Variants in STAB1 observed in about 807,000 individuals in gnomAD.
STAB1 encodes the protein stabilin-1.
In STAB1, 250 loss-of-function variants were observed where a neutral mutation model predicts 332.4. That is an observed-to-expected ratio of 0.75 (90% CI 0.68 to 0.84). STAB1 has a LOEUF of 0.84. STAB1 is among the 40% of genes least tolerant of loss of function. The probability of loss-of-function intolerance (pLI) is 0.00; values close to 1 mark genes in which losing one functional copy is unlikely to be tolerated. For synonymous variants in STAB1, 1,475 were observed against 1,390.4 expected (o/e 1.06, Z -1.35); for missense variants, 3,249 against 3,489.7 (o/e 0.93, Z 1.74).
At chr3:52,496,975 A>G (rs1708075471) in intron 1 of STAB1, among the ~76,000 whole-genome samples, 1 of 152,202 alleles carries the variant, frequency 6.6e-6, no homozygotes, top group Non-Finnish European at 1.5e-5. Context: ...TATTCAGGAA[A>G]TAAAATGGCA....
intron 12 of STAB1, 29 bp downstream of exon 12, chr3:52,504,905 A>T (rs1343982246): frequency 6.2e-6 from 10 of 1,613,482 alleles, no homozygotes; most frequent in Non-Finnish European, 7.6e-6. Flanking sequence ...CCTGGGGACA[A>T]GAGGAGTCAC....
At chr3:52,519,765 A>G in intron 50 of STAB1, 179 bp from the exon 51 acceptor site, 1 of 1,126,110 alleles carries the variant, frequency 8.9e-7, no homozygotes, top group Middle Eastern at 2.9e-4. Context: ...ATGTGTGCCC[A>G]CATTCCTGAC....
At position 52,523,497 on chromosome 3, in the gene STAB1, G is replaced by A; in HGVS notation, c.7211G>A (p.Gly2404Glu). Residue 2404 changes from glycine to glutamate, a missense_variant, in exon 65 of 69, where the codon GGG becomes GAG. Coordinates refer to ENST00000321725, the MANE Select transcript of STAB1 (RefSeq NM_015136.3). ...ATLLSANASQ[G>E]KLLPAHSGLS... ...CTCCTAAGTGCCAACGCCAGCCAGG[G>A]GAAGTTGCTTCCGGCCCACTCAGGC... 1 of 1,612,554 alleles carries A rather than the reference G, an allele frequency of 6.2e-7. No individual in the cohort carries two copies. The highest frequency in any genetic ancestry group is 8.5e-7 in the Non-Finnish European group (1 of 1,179,690).
chr3:52,523,836 C>G, intron 66 of STAB1, 35 bp from the exon 67 acceptor site: 5 of 1,584,330 alleles, frequency 3.2e-6, no homozygotes, highest in Non-Finnish European at 4.3e-6. Context: ...TGGGACAGCT[C>G]CCGCCAGGTC....
In STAB1 at chr3:52,501,759, G is replaced by A. The variant is rs996686350; in HGVS notation, c.331+6G>A. 1.3e-6 allele frequency: 2 copies of A among 1,554,150 alleles called. No homozygotes were observed. The highest frequency in any genetic ancestry group is 1.7e-6 in the Non-Finnish European group (2 of 1,149,274). ...CTGGGGTTCCCGGTGCCATGGTATG[G>A]GAGAAAGGGGGACCCCGCCTTGCGC... On this transcript the variant is annotated splice_donor_region_variant and intron_variant, in intron 3 of 68. Coordinates refer to ENST00000321725, the MANE Select transcript of STAB1 (RefSeq NM_015136.3).
chr3:52,517,712 C>A, intron 44 of STAB1, 88 bp downstream of exon 44: 1 of 1,560,428 alleles, frequency 6.4e-7, no homozygotes, highest in Middle Eastern at 1.7e-4. Context: ...CAGCAGGGTC[C>A]TAAGGGCCTC....
In STAB1 at chr3:52,523,513, CCA is replaced by C; in HGVS notation, c.7229_7230del (p.His2410LeufsTer9). 2 of 1,612,726 alleles carry C rather than the reference CCA, an allele frequency of 1.2e-6. No individual in the cohort carries two copies. The highest frequency in any genetic ancestry group is 1.7e-6 in the Non-Finnish European group (2 of 1,179,862). ...NASQGKLLPAHSGLSLIISDA... is the reference protein window; with the variant it reads ...NASQGKLLPAXSGLSLIISDA... ...CCAGCCAGGGGAAGTTGCTTCCGGC[CCA>C]CTCAGGCCTCAGCCTCATCATCAGT... On this transcript the variant is annotated frameshift_variant, in exon 65 of 69. Transcript: ENST00000321725. LOFTEE classifies it high-confidence loss of function.
At chr3:52,501,354 C>A in intron 2 of STAB1, 52 bp downstream of exon 2, 1 of 1,592,364 alleles carries the variant, frequency 6.3e-7, no homozygotes, top group Non-Finnish European at 8.6e-7. Flanking sequence ...TGTGGGGTGG[C>A]AGGGACTCGG....
chr3:52,513,924 G>A lies in STAB1; in HGVS notation c.3390G>A (p.Gly1130=), dbSNP rs370849548. ...PPRGDVPGGQ[G]LLQQLDLVPA... is the part of the protein sequence containing the mutation. The stretch of plus-strand genomic sequence containing the variant: ...GAGGGGATGTGCCCGGTGGGCAGGG[G>A]TTGCTGCAGCAGCTGGACTTGGTGC... Residue 1130 remains glycine, a synonymous_variant, in exon 32 of 69, where the codon GGG becomes GGA. Coordinates refer to ENST00000321725, the MANE Select transcript of STAB1 (RefSeq NM_015136.3). The A allele has an allele frequency of 1.5e-4, 246 of 1,605,884 alleles. 1 individual carries two copies. Among genetic ancestry groups the A allele is most frequent in the Non-Finnish European group, 2.1e-4 (243 of 1,174,550 alleles).
chr3:52,508,390 TG>T (rs748607788), intron 21 of STAB1, 31 bp downstream of exon 21: 8 of 1,608,330 alleles, frequency 5.0e-6, no homozygotes, highest in African/African-American at 2.7e-5. Flanking sequence ...GGGTGAGGTA[TG>T]GGGAACACAA....
rs1355326525 is a variant in STAB1 at position 52,521,451 on chromosome 3, G to C, written c.5999G>C (p.Gly2000Ala). The change falls in exon 56 of 69, where the codon GGT becomes GCT. Residue 2000 changes from glycine to alanine, a missense_variant. Physicochemically the swap from Gly to Ala is moderately conservative, Grantham distance 60 (BLOSUM62 0). Coordinates refer to ENST00000321725, the MANE Select transcript of STAB1 (RefSeq NM_015136.3). ...AGTGGGCAGTGTCTGTGCCGTTCAG[G>C]TTTTGCTGGGACAGCCTGTGAACTC... ...SGSGQCLCRSGFAGTACELCA... is the reference protein window; with the variant it reads ...SGSGQCLCRSAFAGTACELCA... 1.2e-6 allele frequency: 2 copies of C among 1,614,048 alleles called. No homozygotes were observed. The highest frequency in any genetic ancestry group is 2.2e-5 in the South Asian group (2 of 91,088).
rs1266374510 is a variant in STAB1 at position 52,522,474 on chromosome 3, G to C, written c.6610G>C (p.Glu2204Gln). 1 of 1,612,968 alleles carries C rather than the reference G, an allele frequency of 6.2e-7. No homozygotes were observed. Residue 2204 changes from glutamate to glutamine, a missense_variant and splice_region_variant, in exon 60 of 69, where the codon GAG becomes CAG. Physicochemically the swap from Glu to Gln is conservative, Grantham distance 29. Coordinates refer to ENST00000321725, the MANE Select transcript of STAB1 (RefSeq NM_015136.3). ...DAMCTDLHFQ[E>Q]KRAGVFHLQA... ...CATGTGCACTGACCTGCACTTCCAG[G>C]GTGTGTCCCCCTGCCCACTCCCAGT...
intron 51 of STAB1, 41 bp downstream of exon 51, chr3:52,520,161 T>G (rs373043714): frequency 6.2e-7 from 1 of 1,612,938 alleles, no homozygotes; most frequent in Non-Finnish European, 8.5e-7. Context: ...TGCCTGCAGC[T>G]CAGCCTGCCT....
Position 52,522,128 on chromosome 3 carries a change from C to T in STAB1, c.6363C>T (p.Pro2121=), listed in dbSNP as rs775938901. ...VGTMVTCTCL[P]DYEGDGWSCR... Reference sequence around the variant, plus strand: ...CAATGGTCACTTGTACCTGCCTGCCCGACTACGAGGGTGATGGCTGGAGCT... The same window carrying T: ...CAATGGTCACTTGTACCTGCCTGCCTGACTACGAGGGTGATGGCTGGAGCT... Residue 2121 remains proline (P), a synonymous_variant, in exon 59 of 69, where the codon CCC becomes CCT. Transcript: ENST00000321725. The T allele has an allele frequency of 2.7e-5, 44 of 1,612,796 alleles. No individual in the cohort carries two copies. The highest frequency in any genetic ancestry group is 8.0e-5 in the African/African-American group (6 of 74,874).
intron 16 of STAB1, 41 bp downstream of exon 16, chr3:52,505,977 G>A: frequency 6.2e-7 from 1 of 1,611,598 alleles, no homozygotes; most frequent in Non-Finnish European, 8.5e-7. Context: ...CTTGTACCCG[G>A]TGGGCCTGCC....
At chr3:52,520,177 C>T (rs2079025577) in intron 51 of STAB1, 27 bp from the exon 52 acceptor site, 10 of 1,613,188 alleles carry the variant, frequency 6.2e-6, no homozygotes, top group South Asian at 1.1e-5. Flanking sequence ...TGCCTTTCCA[C>T]CTCCAACCAT....
In STAB1 at chr3:52,522,930, C is replaced by T; in HGVS notation, c.6900C>T (p.Phe2300=). ...CAGAACGCTGGGATGCCTACTGCTT[C>T]CGTGTGCAAGGTGTGTCCACCCGAC... ...NLSERWDAYC[F]RVQDVACRCR... Residue 2300 remains phenylalanine, a synonymous_variant, in exon 62 of 69, where the codon TTC becomes TTT. Coordinates refer to ENST00000321725, the MANE Select transcript of STAB1 (RefSeq NM_015136.3). The T allele has an allele frequency of 6.2e-7, 1 of 1,613,214 alleles. No homozygotes were observed. The highest frequency in any genetic ancestry group is 8.5e-7 in the Non-Finnish European group (1 of 1,179,900).
In STAB1 at chr3:52,518,091, C is replaced by G. The variant is rs910899921; in HGVS notation, c.4761+88C>G. 18 of 1,531,172 alleles carry G rather than the reference C, an allele frequency of 1.2e-5. No individual in the cohort carries two copies. In the African/African-American group the frequency reaches 2.4e-4, roughly 20 times the overall value. The allele number at this position is 1,531,172 out of a possible 1,614,324, so 94.8% of individuals were successfully genotyped here. ...GGTCTTGGCAAAGATCCGATTTGAT[C>G]CTGATTCTGGCCCTGACCATGACAC... On this transcript the variant is annotated intron_variant, in intron 45 of 68. Transcript: ENST00000321725.
In STAB1 at chr3:52,503,550, G is replaced by A. The variant is rs1708611039; in HGVS notation, c.891+10G>A. 6.2e-7 allele frequency: 1 copy of A among 1,612,286 alleles called. No individual in the cohort carries two copies. Among genetic ancestry groups the A allele is most frequent in the Non-Finnish European group, 8.5e-7 (1 of 1,179,314 alleles). On this transcript the variant is annotated intron_variant, in intron 8 of 68. Transcript: ENST00000321725. ...CCAGAAGCCGGGCCAGGTGAGCCAGGGTCCCAGGCCGGAACTGTCCCCACA... is the reference window on the plus strand; with the variant it reads ...CCAGAAGCCGGGCCAGGTGAGCCAGAGTCCCAGGCCGGAACTGTCCCCACA...
Sources: gnomAD v4.1 joint callset for allele counts (sites outside exome capture counted in the v4.1 genomes callset) on GRCh38, gnomAD v4.1.1 for gene constraint, MANE v1.5 for transcripts, NCBI Gene and HGNC (gene_info 2026-07-23, HGNC 2026-07-21) for gene names.